Variants in RALGPS1 observed in about 807,000 individuals in gnomAD.
The protein encoded by RALGPS1 is Ral GEF with PH domain and SH3 binding motif 1.
RALGPS1 carries 19 observed loss-of-function variants against 78.8 expected under a neutral mutation model. That is an observed-to-expected ratio of 0.24 (90% CI 0.17 to 0.35). The LOEUF (loss-of-function observed/expected upper bound fraction) is 0.35. Among genes scored for constraint, RALGPS1 ranks in the 10% least tolerant of loss-of-function variants. The pLI is 1.00. For synonymous variants in RALGPS1, 228 were observed against 256.3 expected (o/e 0.89, Z 1.06); for missense variants, 454 against 688.3 (o/e 0.66, Z 3.81).
intron 1 of RALGPS1, among the ~76,000 whole-genome samples, chr9:126,939,451 C>T (rs766497368): frequency 6.6e-6 from 1 of 152,222 alleles, no homozygotes; most frequent in Non-Finnish European, 1.5e-5. Context: ...ACTTATTGCA[C>T]AGAGATGGCT....
chr9:127,172,186 T>A (rs1366437537), intron 10 of RALGPS1, among the ~76,000 whole-genome samples: 4 of 152,232 alleles, frequency 2.6e-5, no homozygotes, highest in African/African-American at 9.6e-5. Context: ...ATGCCCTGCA[T>A]TCCCTCAGAG....
At chr9:126,965,144 T>C (rs950158680) in intron 2 of RALGPS1, among the ~76,000 whole-genome samples, 2 of 152,230 alleles carry the variant, frequency 1.3e-5, no homozygotes, top group African/African-American at 2.4e-5. Flanking sequence ...CTCTTTCATA[T>C]ACATGCAGGA....
At chr9:127,166,503 T>C (rs2139623116) in intron 9 of RALGPS1, among the ~76,000 whole-genome samples, 1 of 152,204 alleles carries the variant, frequency 6.6e-6, no homozygotes, top group East Asian at 1.9e-4. Flanking sequence ...GGCCCCTGGG[T>C]CATTCATTCA....
At chr9:127,090,901 A>G (rs182274781) in intron 8 of RALGPS1, among the ~76,000 whole-genome samples, 52 of 152,292 alleles carry the variant, frequency 3.4e-4, no homozygotes, top group Middle Eastern at 3.4e-3. Context: ...GGGCCAGACC[A>G]TATCTCTGTT....
chr9:126,981,962 T>G (rs2041282431), intron 4 of RALGPS1, among the ~76,000 whole-genome samples: 2 of 152,170 alleles, frequency 1.3e-5, no homozygotes, highest in South Asian at 4.2e-4. Flanking sequence ...GAAAGTCTGC[T>G]TCCAAGGTGG....
chr9:127,061,398 TG>T (rs2049201926), intron 7 of RALGPS1, among the ~76,000 whole-genome samples: 1 of 152,254 alleles, frequency 6.6e-6, no homozygotes, highest in Non-Finnish European at 1.5e-5. Context: ...GTACCCTGTT[TG>T]CAAGTTGAGC....
At chr9:127,030,381 G>A (rs1490180346) in intron 4 of RALGPS1, among the ~76,000 whole-genome samples, 1 of 152,138 alleles carries the variant, frequency 6.6e-6, no homozygotes, top group Non-Finnish European at 1.5e-5. Flanking sequence ...AAGAGTGAGG[G>A]GCCCGAAAGG....
intron 8 of RALGPS1, among the ~76,000 whole-genome samples, chr9:127,106,282 A>C (rs78030024): frequency 6.6e-6 from 1 of 152,196 alleles, no homozygotes; most frequent in Non-Finnish European, 1.5e-5. Context: ...TCGGTATTCT[A>C]TCAAGACAAA....
intron 8 of RALGPS1, among the ~76,000 whole-genome samples, chr9:127,131,811 C>G (rs886683079): frequency 6.6e-6 from 1 of 152,154 alleles, no homozygotes; most frequent in Admixed American, 6.5e-5. Context: ...TAGCAGGCAC[C>G]CAGTCAGTGG....
intron 8 of RALGPS1, among the ~76,000 whole-genome samples, chr9:127,092,173 G>A (rs1361012250): frequency 3.9e-5 from 6 of 152,200 alleles, no homozygotes; most frequent in Admixed American, 2.6e-4. Flanking sequence ...CAGATTCCTT[G>A]TTCTTACATC....
intron 8 of RALGPS1, among the ~76,000 whole-genome samples, chr9:127,072,960 T>C (rs1208967665): frequency 6.6e-6 from 1 of 152,236 alleles, no homozygotes; most frequent in Non-Finnish European, 1.5e-5. Context: ...TTTGTATTGA[T>C]AGATAATATT....
chr9:127,017,859 A>G (rs1235674884), intron 4 of RALGPS1, among the ~76,000 whole-genome samples: 1 of 152,076 alleles, frequency 6.6e-6, no homozygotes, highest in Non-Finnish European at 1.5e-5. Flanking sequence ...CCACCTCCAC[A>G]TCTTGTCCCA....
intron 4 of RALGPS1, among the ~76,000 whole-genome samples, chr9:126,983,183 C>T (rs530607935): frequency 3.3e-5 from 5 of 151,944 alleles, no homozygotes; most frequent in East Asian, 3.9e-4. Flanking sequence ...GTGATCTGCC[C>T]GCCTCGGCCT....
At chr9:126,939,344 T>C (rs1022500474) in intron 1 of RALGPS1, among the ~76,000 whole-genome samples, 3 of 152,198 alleles carry the variant, frequency 2.0e-5, no homozygotes, top group African/African-American at 7.2e-5. Context: ...TTCATTTTTA[T>C]TGAGAACACA....
At chr9:127,049,925 A>G (rs769004353) in intron 5 of RALGPS1, 118 bp from the exon 6 acceptor site, 11 of 751,594 alleles carry the variant, frequency 1.5e-5, no homozygotes, top group Non-Finnish European at 2.3e-5. Context: ...ATCCTCTCCC[A>G]GTTTCCTGAC....
chr9:127,045,750 CACACACACACAT>C (rs796349231), intron 5 of RALGPS1, among the ~76,000 whole-genome samples: 1,501 of 97,126 alleles, frequency 0.015, 9 homozygotes, highest in African/African-American at 0.021. Context: ...CACACACACA[CACACACACACAT>C]ACACACACAC....
intron 8 of RALGPS1, among the ~76,000 whole-genome samples, chr9:127,110,331 T>G (rs2137186035): frequency 6.6e-6 from 1 of 152,340 alleles, no homozygotes; most frequent in East Asian, 1.9e-4. Flanking sequence ...TTGACCTTCC[T>G]TTCCAGAGCG....
At position 127,079,906 on chromosome 9, in the gene RALGPS1, A is replaced by G. The variant is rs147708387; in HGVS notation, c.610+10550A>G. The G allele has an allele frequency of 1.4e-4, 21 of 152,352 alleles. No individual in the cohort carries two copies. In the East Asian group the frequency reaches 4.0e-3, roughly 29 times the overall value. 9.4% of individuals were successfully genotyped at this position (152,352 alleles called of 1,614,324 possible). On this transcript the variant is annotated intron_variant, in intron 8 of 18. Transcript: ENST00000259351. ...CAGCAATGGATAACGAGCACATTGC[A>G]CAACCTTTATCACTACTCCACATTT...
intron 1 of RALGPS1, among the ~76,000 whole-genome samples, chr9:126,932,081 C>T (rs947442927): frequency 6.6e-6 from 1 of 151,918 alleles, no homozygotes; most frequent in Non-Finnish European, 1.5e-5. Context: ...TATTTGGAAA[C>T]CATAGCATAT....
Sources: gnomAD v4.1 joint callset for allele counts (sites outside exome capture counted in the v4.1 genomes callset) on GRCh38, gnomAD v4.1.1 for gene constraint, MANE v1.5 for transcripts, NCBI Gene and HGNC (gene_info 2026-07-23, HGNC 2026-07-21) for gene names.